Variants in NINL observed in about 807,000 individuals in gnomAD.
NINL encodes ninein like, also known as ninein-like protein.
In NINL, 153 loss-of-function variants were observed where a neutral mutation model predicts 160.3. That is an observed-to-expected ratio of 0.95 (90% CI 0.84 to 1.09). The LOEUF is 1.09. Ranked by LOEUF, NINL falls within the 50% of genes least tolerant of loss-of-function variation. The pLI, the probability that NINL is intolerant of heterozygous loss-of-function variation, is 0.00. For missense variants in NINL, 1,829 were observed against 1,764.0 expected (o/e 1.04, Z -0.66); for synonymous variants, 800 against 734.8 (o/e 1.09, Z -1.43).
Position 25,508,326 on chromosome 20 carries a change from G to C in NINL, c.517+2348C>G, listed in dbSNP as rs192833209. On this transcript the variant is annotated intron_variant, in intron 5 of 23. Coordinates refer to ENST00000278886, the MANE Select transcript of NINL (RefSeq NM_025176.6). ...GTCAGCCCACGTAACCGCCTGTGTG[G>C]GGAGGCCTCATTAGGGCATCCACTG... Among the ~76,000 whole-genome samples, 417 of 152,346 alleles carry C rather than the reference G, an allele frequency of 2.7e-3. 2 individuals are homozygous for C. The highest frequency in any genetic ancestry group is 6.8e-3 in the Middle Eastern group (2 of 294).
chr20:25,497,907 C>A (rs530429985), intron 9 of NINL, among the ~76,000 whole-genome samples: 55 of 152,338 alleles, frequency 3.6e-4, no homozygotes, highest in African/African-American at 1.3e-3. Flanking sequence ...GGAAAGCCAG[C>A]GAGCCTTAAA....
At chr20:25,556,278 T>C (rs2064865854) in intron 1 of NINL, among the ~76,000 whole-genome samples, 1 of 152,140 alleles carries the variant, frequency 6.6e-6, no homozygotes, top group Non-Finnish European at 1.5e-5. Flanking sequence ...AGCAAGACCC[T>C]GTCTCAAACA....
intron 1 of NINL, among the ~76,000 whole-genome samples, chr20:25,541,121 A>C (rs1457676374): frequency 6.6e-6 from 1 of 152,132 alleles, no homozygotes; most frequent in African/African-American, 2.4e-5. Context: ...GTGGTCTCCT[A>C]AAAAAAGACA....
chr20:25,569,089 A>G (rs1879043380), intron 1 of NINL, among the ~76,000 whole-genome samples: 2 of 151,984 alleles, frequency 1.3e-5, no homozygotes, highest in Non-Finnish European at 2.9e-5. Flanking sequence ...TTAGCCGGGC[A>G]TGGTGATGCA....
rs774798995 is a variant in NINL, at chr20:25,467,380, A to T, written c.3423+9T>A. The T allele has an allele frequency of 2.5e-6, 4 of 1,605,740 alleles. No individual in the cohort carries two copies. Among genetic ancestry groups the T allele is most frequent in the Non-Finnish European group, 3.4e-6 (4 of 1,172,244 alleles). On this transcript the variant is annotated intron_variant, in intron 19 of 23. Coordinates refer to ENST00000278886, the MANE Select transcript of NINL (RefSeq NM_025176.6). ...GGCATGAGCTCCATGCCAGGCGTCGATACGTCACCTGTCTGTTGAGCACCT... is the reference window on the plus strand; with the variant it reads ...GGCATGAGCTCCATGCCAGGCGTCGTTACGTCACCTGTCTGTTGAGCACCT...
chr20:25,496,572 T>C, intron 10 of NINL, 91 bp downstream of exon 10: 1 of 1,509,822 alleles, frequency 6.6e-7, no homozygotes, highest in Non-Finnish European at 9.0e-7. Context: ...CACCCGCAGC[T>C]CTGGCCCCTG....
intron 7 of NINL, among the ~76,000 whole-genome samples, chr20:25,502,979 C>T (rs879880764): frequency 6.6e-6 from 1 of 152,254 alleles, no homozygotes; most frequent in East Asian, 1.9e-4. Context: ...ACATTGCCCT[C>T]ACCATTCCAC....
At chr20:25,487,164 C>T (rs758352630) in intron 13 of NINL, among the ~76,000 whole-genome samples, 1 of 152,124 alleles carries the variant, frequency 6.6e-6, no homozygotes, top group African/African-American at 2.4e-5. Context: ...GATCATCACC[C>T]GTTCATATAG....
At chr20:25,569,479 G>A (rs574915824) in intron 1 of NINL, among the ~76,000 whole-genome samples, 1 of 152,346 alleles carries the variant, frequency 6.6e-6, no homozygotes, top group African/African-American at 2.4e-5. Flanking sequence ...AGCAGCAGTA[G>A]GGTGGGATGC....
At chr20:25,489,788 C>T (rs972883826) in intron 12 of NINL, 87 bp downstream of exon 12, 34 of 1,018,040 alleles carry the variant, frequency 3.3e-5, no homozygotes, top group Admixed American at 8.7e-5. Context: ...TGTGACCTGC[C>T]GCATCTCTCC....
At chr20:25,526,696 C>A in intron 1 of NINL, 98 bp from the exon 2 acceptor site, 1 of 1,275,728 alleles carries the variant, frequency 7.8e-7, no homozygotes, top group Non-Finnish European at 1.1e-6. Context: ...ATGGTCCAAG[C>A]AGACGCAGGA....
intron 2 of NINL, among the ~76,000 whole-genome samples, chr20:25,525,042 A>C (rs549806827): frequency 7.2e-5 from 11 of 152,084 alleles, no homozygotes; most frequent in Non-Finnish European, 1.5e-4. Flanking sequence ...TCCCAAACAC[A>C]CTTCCAGGTG....
chr20:25,469,594 G>A (rs1183116210), intron 18 of NINL, among the ~76,000 whole-genome samples: 2 of 151,884 alleles, frequency 1.3e-5, no homozygotes, highest in Non-Finnish European at 2.9e-5. Flanking sequence ...CAGAGCTGAA[G>A]CTGTTATCAG....
At chr20:25,542,413 T>C (rs576040380) in intron 1 of NINL, among the ~76,000 whole-genome samples, 37 of 151,638 alleles carry the variant, frequency 2.4e-4, no homozygotes, top group Non-Finnish European at 4.9e-4. Context: ...ATCATACACA[T>C]CAGAGGAGAC....
intron 13 of NINL, among the ~76,000 whole-genome samples, chr20:25,485,203 A>ATGT (rs2063483574): frequency 6.6e-6 from 1 of 152,226 alleles, no homozygotes; most frequent in Non-Finnish European, 1.5e-5. Flanking sequence ...AGCAGGTAAC[A>ATGT]TGTTGCTTCG....
At chr20:25,512,679 C>T (rs896671249) in intron 4 of NINL, among the ~76,000 whole-genome samples, 155 bp downstream of exon 4, 42 of 152,352 alleles carry the variant, frequency 2.8e-4, no homozygotes, top group African/African-American at 1.0e-3. Context: ...TGAAATGGCA[C>T]TCCCCAAAGT....
chr20:25,493,175 C>A (rs1039173434), intron 10 of NINL, among the ~76,000 whole-genome samples: 6 of 152,188 alleles, frequency 3.9e-5, no homozygotes, highest in African/African-American at 1.4e-4. Flanking sequence ...CAAATCAGTT[C>A]TCAGTTACTC....
intron 1 of NINL, among the ~76,000 whole-genome samples, chr20:25,545,358 A>G (rs1447438343): frequency 1.3e-5 from 2 of 152,204 alleles, no homozygotes; most frequent in African/African-American, 4.8e-5. Context: ...CTTGTAATCA[A>G]CATTATCAGT....
chr20:25,462,641 C>CGTTTGTTTTG, intron 19 of NINL, 100 bp from the exon 20 acceptor site: 1 of 710,826 alleles, frequency 1.4e-6, no homozygotes, highest in Non-Finnish European at 2.1e-6. Flanking sequence ...ATTAAGTAGT[C>CGTTTGTTTTG]ATTTGTTTTG....
Sources: gnomAD v4.1 joint callset for allele counts (sites outside exome capture counted in the v4.1 genomes callset) on GRCh38, gnomAD v4.1.1 for gene constraint, MANE v1.5 for transcripts, NCBI Gene and HGNC (gene_info 2026-07-23, HGNC 2026-07-21) for gene names.